The following RBMS1 variants were observed in gnomAD, a reference collection of about 807,000 sequenced individuals.
RBMS1 encodes the protein RNA-binding motif, single-stranded-interacting protein 1.
A neutral mutation model predicts 62.3 loss-of-function variants in RBMS1; 17 were observed. The observed-to-expected ratio is 0.27, with a 90% CI of 0.19 to 0.41. RBMS1 has a LOEUF of 0.41. Ranked by LOEUF, RBMS1 falls within the 10% of genes least tolerant of loss-of-function variation. RBMS1 has a pLI of 1.00. For synonymous variants in RBMS1, 172 were observed against 170.0 expected (o/e 1.01, Z -0.09); for missense variants, 334 against 504.5 (o/e 0.66, Z 3.24).
chr2:160,362,713 T>C (rs964940023), intron 2 of RBMS1, among the ~76,000 whole-genome samples: 6 of 152,300 alleles, frequency 3.9e-5, no homozygotes, highest in African/African-American at 1.4e-4. Flanking sequence ...AAAGTGAGCA[T>C]ATGCTATTGG....
intron 1 of RBMS1, among the ~76,000 whole-genome samples, chr2:160,378,506 G>C (rs2105182789): frequency 6.6e-6 from 1 of 152,122 alleles, no homozygotes; most frequent in Non-Finnish European, 1.5e-5. Flanking sequence ...CCAACTACTG[G>C]GGAAGCTGAG....
intron 1 of RBMS1, among the ~76,000 whole-genome samples, chr2:160,392,627 G>T (rs956522799): frequency 2.1e-4 from 32 of 152,260 alleles, no homozygotes; most frequent in African/African-American, 7.2e-4. Flanking sequence ...AATAAAAAGA[G>T]GAAGGGCATT....
chr2:160,319,498 C>CA (rs1690431201), intron 2 of RBMS1, among the ~76,000 whole-genome samples: 1 of 152,106 alleles, frequency 6.6e-6, no homozygotes. Context: ...GGCGACAGAG[C>CA]AAGACTCCAT....
intron 1 of RBMS1, among the ~76,000 whole-genome samples, chr2:160,480,449 T>C (rs1685318211): frequency 6.6e-6 from 1 of 152,218 alleles, no homozygotes; most frequent in East Asian, 1.9e-4. Flanking sequence ...ATAGAACCTA[T>C]GCCAACTACC....
chr2:160,286,110 C>G (rs1156759619), intron 7 of RBMS1, among the ~76,000 whole-genome samples: 1 of 151,222 alleles, frequency 6.6e-6, no homozygotes, highest in Non-Finnish European at 1.5e-5. Context: ...GACTCCATCT[C>G]AAAAATAAAA....
At chr2:160,444,796 C>A (rs1683570733) in intron 1 of RBMS1, among the ~76,000 whole-genome samples, 2 of 152,112 alleles carry the variant, frequency 1.3e-5, no homozygotes, top group African/African-American at 4.8e-5. Flanking sequence ...AGGAAGAGAT[C>A]CCCCAACCCC....
At chr2:160,445,741 C>T (rs143829543) in intron 1 of RBMS1, among the ~76,000 whole-genome samples, 1 of 152,318 alleles carries the variant, frequency 6.6e-6, no homozygotes, top group East Asian at 1.9e-4. Flanking sequence ...AATCCCCATC[C>T]ATCAGTTCAG....
At chr2:160,417,298 T>C (rs1358321015) in intron 1 of RBMS1, among the ~76,000 whole-genome samples, 1 of 152,198 alleles carries the variant, frequency 6.6e-6, no homozygotes, top group Non-Finnish European at 1.5e-5. Context: ...ATAAACTACA[T>C]AGTGAATTTG....
At chr2:160,443,526 G>A (rs1434189408) in intron 1 of RBMS1, among the ~76,000 whole-genome samples, 1 of 151,980 alleles carries the variant, frequency 6.6e-6, no homozygotes, top group African/African-American at 2.4e-5. Flanking sequence ...TTCACACCGA[G>A]ATCTGGTCAT....
chr2:160,312,711 T>A (rs1319794475), intron 4 of RBMS1, among the ~76,000 whole-genome samples: 2 of 152,186 alleles, frequency 1.3e-5, no homozygotes, highest in Admixed American at 1.3e-4. Context: ...GTATAATGTA[T>A]GTGCCAGTTA....
chr2:160,323,523 AG>A (rs1690699807), intron 2 of RBMS1, among the ~76,000 whole-genome samples: 1 of 150,846 alleles, frequency 6.6e-6, no homozygotes, highest in Non-Finnish European at 1.5e-5. Flanking sequence ...ATGTACTAGG[AG>A]AAACAGGTCT....
rs181086244 is a variant in RBMS1, at chr2:160,284,796, T to G, written c.879A>C (p.Ala293=). ...ITQTSITPYI[A]SPVSAYQVQS... The stretch of plus-strand genomic sequence containing the variant: ...AAACCTGGTAGGCAGATACAGGAGA[T>G]GCAATATAGGGTGTAATAGAAGTTT... Residue 293 remains alanine, a synonymous_variant, in exon 9 of 14, where the codon GCA becomes GCC. Coordinates refer to ENST00000348849, the MANE Select transcript of RBMS1 (RefSeq NM_016836.4). 6.2e-7 allele frequency: 1 copy of G among 1,603,360 alleles called. No individual in the cohort carries two copies. Among genetic ancestry groups the G allele is most frequent in the East Asian group, 2.2e-5 (1 of 44,816 alleles).
chr2:160,448,612 C>A (rs1237573002), intron 1 of RBMS1, among the ~76,000 whole-genome samples: 1 of 152,256 alleles, frequency 6.6e-6, no homozygotes, highest in Non-Finnish European at 1.5e-5. Flanking sequence ...GTTGCCCAGG[C>A]TGGAGTGCAG....
intron 2 of RBMS1, among the ~76,000 whole-genome samples, chr2:160,347,315 T>C (rs1692241717): frequency 6.6e-6 from 1 of 152,146 alleles, no homozygotes; most frequent in Non-Finnish European, 1.5e-5. Context: ...CAAACAACTT[T>C]ACCACCAAAG....
intron 4 of RBMS1, among the ~76,000 whole-genome samples, chr2:160,310,153 A>T (rs1689768882): frequency 6.6e-6 from 1 of 152,248 alleles, no homozygotes; most frequent in Non-Finnish European, 1.5e-5. Context: ...TCTAAAATGT[A>T]ACTATTTTAT....
chr2:160,348,985 G>A (rs1692335564), intron 2 of RBMS1, among the ~76,000 whole-genome samples: 2 of 152,092 alleles, frequency 1.3e-5, no homozygotes. Context: ...CAAGGTTCCA[G>A]GACCTTAGAA....
chr2:160,359,604 T>C (rs552484255), intron 2 of RBMS1, among the ~76,000 whole-genome samples: 303 of 152,314 alleles, frequency 2.0e-3, no homozygotes, highest in Middle Eastern at 3.4e-3. Flanking sequence ...CCTATTTACA[T>C]AGAGATTTCA....
intron 2 of RBMS1, among the ~76,000 whole-genome samples, chr2:160,324,210 C>T (rs1690751631): frequency 1.3e-5 from 2 of 152,206 alleles, no homozygotes; most frequent in African/African-American, 4.8e-5. Flanking sequence ...TATCCACTGG[C>T]ACGTACAAAT....
At chr2:160,454,567 C>G (rs771922704) in intron 1 of RBMS1, among the ~76,000 whole-genome samples, 4 of 151,564 alleles carry the variant, frequency 2.6e-5, no homozygotes, top group Non-Finnish European at 4.4e-5. Context: ...AAAGAGTGTC[C>G]CAAAAGAAGG....
Sources: allele counts gnomAD v4.1 joint callset (sites outside exome capture counted in the v4.1 genomes callset), GRCh38; gene constraint gnomAD v4.1.1; transcripts MANE v1.5; gene names NCBI Gene and HGNC (gene_info 2026-07-23, HGNC 2026-07-21).